Variants in TOP2A observed in about 807,000 individuals in gnomAD.
The protein encoded by TOP2A is DNA topoisomerase II alpha.
A neutral mutation model predicts 187.2 loss-of-function variants in TOP2A; 68 were observed. The ratio of observed to expected loss-of-function variants is 0.36; its 90% confidence interval spans 0.30 to 0.44. The LOEUF (loss-of-function observed/expected upper bound fraction) is 0.44. Ranked by LOEUF, TOP2A falls within the 20% of genes least tolerant of loss-of-function variation. The probability of loss-of-function intolerance (pLI) is 1.00; values close to 1 mark genes in which losing one functional copy is unlikely to be tolerated. For synonymous variants in TOP2A, 542 were observed against 593.2 expected (o/e 0.91, Z 1.25); for missense variants, 1,196 against 1,808.7 (o/e 0.66, Z 6.14).
At chr17:40,404,709 C>T in intron 17 of TOP2A, 82 bp downstream of exon 17, 1 of 948,218 alleles carries the variant, frequency 1.1e-6, no homozygotes, top group South Asian at 1.5e-5. Flanking sequence ...AATAACTATT[C>T]AGTAAGTTTA....
Position 40,389,599 on chromosome 17 carries a change from CAGCTGAGTCAA to C in TOP2A, c.4505_4515del (p.Phe1502CysfsTer22). 6.2e-7 allele frequency: 1 copy of C among 1,608,008 alleles called. No individual in the cohort carries two copies. Among genetic ancestry groups the C allele is most frequent in the East Asian group, 2.2e-5 (1 of 44,822 alleles). ...CGTACAGATTTTGCCCGAGGAGCCA[CAGCTGAGTCAA>C]AGTCCATATGGAAGTCATCACTCTC... is the stretch of plus-strand genomic sequence containing the variant. On this transcript the variant is annotated frameshift_variant, in exon 35 of 35. Coordinates refer to ENST00000423485, the MANE Select transcript of TOP2A (RefSeq NM_001067.4). LOFTEE classifies it high-confidence loss of function.
chr17:40,406,382 A>G lies in TOP2A; in HGVS notation c.1953+2T>C. On this transcript the variant is annotated splice_donor_variant, in intron 16 of 34. Coordinates refer to ENST00000423485, the MANE Select transcript of TOP2A (RefSeq NM_001067.4). LOFTEE classifies it high-confidence loss of function. ...TGTATATAAAATACAACTCAAACCT[A>G]CCAGGCTGATAGCAGCATCATCTTC... The G allele has an allele frequency of 6.2e-7, 1 of 1,608,388 alleles. No individual in the cohort carries two copies. Among genetic ancestry groups the G allele is most frequent in the Non-Finnish European group, 8.5e-7 (1 of 1,176,176 alleles).
At chr17:40,417,346 G>A (rs1212134623) in intron 1 of TOP2A, among the ~76,000 whole-genome samples, 1 of 152,092 alleles carries the variant, frequency 6.6e-6, no homozygotes, top group Non-Finnish European at 1.5e-5. Context: ...CAGGAAGGGG[G>A]CGCTTTTGTA....
chr17:40,406,949 A>T lies in TOP2A; in HGVS notation c.1627-7T>A, dbSNP rs1157256646. 6.3e-7 allele frequency: 1 copy of T among 1,576,578 alleles called. No homozygotes were observed. Among genetic ancestry groups the T allele is most frequent in the Non-Finnish European group, 8.6e-7 (1 of 1,158,000 alleles). On this transcript the variant is annotated splice_polypyrimidine_tract_variant and splice_region_variant and intron_variant, in intron 13 of 34. Coordinates refer to ENST00000423485, the MANE Select transcript of TOP2A (RefSeq NM_001067.4). ...TGTGGGAACCATCTTGGTCCTAGAAAGATTTGAAAGCCAAAGTTCAAAAGA... is the reference window on the plus strand; with the variant it reads ...TGTGGGAACCATCTTGGTCCTAGAATGATTTGAAAGCCAAAGTTCAAAAGA...
intron 29 of TOP2A, among the ~76,000 whole-genome samples, chr17:40,393,330 A>G (rs2035049427): frequency 6.6e-6 from 1 of 151,998 alleles, no homozygotes; most frequent in African/African-American, 2.4e-5. Flanking sequence ...TTGTCTCAAA[A>G]AAAGAAAAAA....
At position 40,413,812 on chromosome 17, in the gene TOP2A, A is replaced by C. The variant is rs143360289; in HGVS notation, c.333-187T>G. On this transcript the variant is annotated intron_variant, in intron 4 of 34. Transcript: ENST00000423485. ...TCACTTGAGGCCAGGAGTTCTGGCC[A>C]ACATGTTGAAACCGTCTCTACTAAA... is the stretch of plus-strand genomic sequence containing the variant. Among the ~76,000 whole-genome samples, 609 of 152,264 alleles carry C rather than the reference A, an allele frequency of 4.0e-3. 5 individuals are homozygous for C. The highest frequency in any genetic ancestry group is 0.014 in the African/African-American group (582 of 41,544).
Position 40,400,899 on chromosome 17 carries a change from A to G in TOP2A, c.2615T>C (p.Ile872Thr), listed in dbSNP as rs747761743. The change falls in exon 21 of 35, where the codon ATT (isoleucine) becomes ACT (threonine). Residue 872 changes from isoleucine (I) to threonine (T), a missense_variant. Ile to Thr is a moderately conservative substitution (Grantham distance 89, BLOSUM62 -1). Coordinates refer to ENST00000423485, the MANE Select transcript of TOP2A (RefSeq NM_001067.4). ...CATCAAACGCCTGATGTTATTTACA[A>G]TTTCACGCACATCAAAGTTGGGGAT... Reference protein sequence around the residue: ...CKIPNFDVREIVNNIRRLMDG... With the variant: ...CKIPNFDVRETVNNIRRLMDG... 2 of 1,613,974 alleles carry G rather than the reference A, an allele frequency of 1.2e-6. No homozygotes were observed. The highest frequency in any genetic ancestry group is 1.7e-6 in the Non-Finnish European group (2 of 1,179,882).
rs1374914927 is a variant in TOP2A at position 40,390,123 on chromosome 17, C to A, written c.4309G>T (p.Ala1437Ser). ...TSTTGAKKRA[A>S]PKGTKRDPAL... ...GGATCCCTTTTAGTTCCTTTTGGGG[C>A]AGCCCTTTTTTTGGCACCGGTAGTG... Residue 1437 changes from alanine (A) to serine (S), a missense_variant, in exon 34 of 35, where the codon GCC becomes TCC. Ala to Ser is a moderately conservative substitution (Grantham distance 99). Around this residue, in one of 10 missense-constraint regions of TOP2A, gnomAD observed 374 missense variants for 403.3 expected, o/e 0.93. Transcript: ENST00000423485. The A allele has an allele frequency of 6.2e-7, 1 of 1,613,528 alleles. No homozygotes were observed. Among genetic ancestry groups the A allele is most frequent in the Non-Finnish European group, 8.5e-7 (1 of 1,179,738 alleles).
chr17:40,391,334 C>T (rs2035019830), intron 33 of TOP2A, 172 bp downstream of exon 33: 1 of 619,196 alleles, frequency 1.6e-6, no homozygotes, highest in Non-Finnish European at 2.7e-6. Flanking sequence ...TGTTTTGGAA[C>T]AGCCTTGACT....
chr17:40,393,013 C>T lies in TOP2A; in HGVS notation c.3812-276G>A, dbSNP rs140456558. Among the ~76,000 whole-genome samples, 8 of 152,112 alleles carry T rather than the reference C, an allele frequency of 5.3e-5. No homozygotes were observed. The East Asian group carries it at 1.5e-3, about 29-fold the overall frequency. ...CTTGAGCCCAGGGGTTTGAGATCAG[C>T]TGGGGTAAGATATAAGACCCTGTCT... On this transcript the variant is annotated intron_variant, in intron 29 of 34. Coordinates refer to ENST00000423485, the MANE Select transcript of TOP2A (RefSeq NM_001067.4).
intron 24 of TOP2A, 160 bp from the exon 25 acceptor site, chr17:40,399,291 T>G (rs1167613062): frequency 3.3e-6 from 2 of 607,558 alleles, no homozygotes; most frequent in Non-Finnish European, 5.7e-6. Flanking sequence ...CCCTAAACCA[T>G]TGACAAATGT....
chr17:40,417,264 T>C (rs1435684423), intron 1 of TOP2A, among the ~76,000 whole-genome samples: 1 of 152,074 alleles, frequency 6.6e-6, no homozygotes, highest in African/African-American at 2.4e-5. Context: ...ACACCGTAAA[T>C]AATTCTAGTT....
At chr17:40,394,159 A>G (rs906172881) in intron 29 of TOP2A, among the ~76,000 whole-genome samples, 7 of 152,184 alleles carry the variant, frequency 4.6e-5, no homozygotes, top group Non-Finnish European at 1.0e-4. Flanking sequence ...TCAGCTCCAA[A>G]AGACCACATA....
intron 1 of TOP2A, chr17:40,417,502 C>T: frequency 6.5e-6 from 9 of 1,393,950 alleles, no homozygotes; most frequent in Non-Finnish European, 8.4e-6. Context: ...GCCGCTGTAA[C>T]ATGGATCCAC....
At chr17:40,412,624 A>ACAGTGTGAGACTC (rs2035336415) in intron 7 of TOP2A, 135 bp downstream of exon 7, 2 of 738,532 alleles carry the variant, frequency 2.7e-6, no homozygotes. Context: ...AGCCCGGGCA[A>ACAGTGTGAGACTC]CAGTGTGAGA....
intron 4 of TOP2A, among the ~76,000 whole-genome samples, chr17:40,414,057 G>GAA (rs536552520): frequency 6.7e-6 from 1 of 149,160 alleles, no homozygotes; most frequent in Non-Finnish European, 1.5e-5. Flanking sequence ...GAGTCAAGAG[G>GAA]AAAAAAAAAC....
intron 21 of TOP2A, 57 bp from the exon 22 acceptor site, chr17:40,400,720 C>A (rs929541309): frequency 1.3e-6 from 2 of 1,552,744 alleles, no homozygotes; most frequent in African/African-American, 2.8e-5. Context: ...AGACGGAAAT[C>A]ACAACAGCGT....
At position 40,413,465 on chromosome 17, in the gene TOP2A, C is replaced by A; in HGVS notation, c.478+15G>T. On this transcript the variant is annotated intron_variant, in intron 5 of 34. Transcript: ENST00000423485. Reference sequence around the variant, plus strand: ...TTTTTAGCAACAAATATGTTATTTCCCCTCAATACTCTACCTGTCACTTTC... The same window carrying A: ...TTTTTAGCAACAAATATGTTATTTCACCTCAATACTCTACCTGTCACTTTC... 1.3e-6 allele frequency: 2 copies of A among 1,506,110 alleles called. No individual in the cohort carries two copies. The highest frequency in any genetic ancestry group is 1.8e-6 in the Non-Finnish European group (2 of 1,127,796). The allele number at this position is 1,506,110 out of a possible 1,614,324, so 93.3% of individuals were successfully genotyped here.
intron 17 of TOP2A, 131 bp from the exon 18 acceptor site, chr17:40,404,622 C>T: frequency 1.4e-6 from 1 of 710,094 alleles, no homozygotes; most frequent in Non-Finnish European, 2.4e-6. Context: ...TTGAATAATA[C>T]AGAAATATTT....
Sources: gnomAD v4.1 joint callset for allele counts (sites outside exome capture counted in the v4.1 genomes callset) on GRCh38, gnomAD v4.1.1 for gene constraint, gnomAD v4.1.1 regional missense constraint, MANE v1.5 for transcripts, NCBI Gene and HGNC (gene_info 2026-07-23, HGNC 2026-07-21) for gene names.